Variants in CSMD2 observed in about 807,000 individuals in gnomAD.
CSMD2 encodes the protein CUB and Sushi multiple domains 2.
A neutral mutation model predicts 398.5 loss-of-function variants in CSMD2; 130 were observed. The ratio of observed to expected loss-of-function variants is 0.33; its 90% CI spans 0.28 to 0.38. CSMD2 has a LOEUF of 0.38. Among genes scored for constraint, CSMD2 ranks in the 10% least tolerant of loss-of-function variants. CSMD2 has a pLI of 1.00. For missense variants in CSMD2, 3,829 were observed against 4,764.9 expected (o/e 0.80, Z 5.78); for synonymous variants, 1,828 against 1,908.5 (o/e 0.96, Z 1.10).
At chr1:34,102,366 C>CT (rs1660040250) in intron 1 of CSMD2, among the ~76,000 whole-genome samples, 1 of 152,168 alleles carries the variant, frequency 6.6e-6, no homozygotes, top group Non-Finnish European at 1.5e-5. Context: ...ACATTTATCT[C>CT]TTTTTTCTTG....
In CSMD2 at chr1:33,533,029, TC is replaced by T. The variant is rs1655399350; in HGVS notation, c.10171+20del. On this transcript the variant is annotated intron_variant, in intron 64 of 70. Transcript: ENST00000373381. This position sits in a 1 kb window ranked among gnomAD's most constrained non-coding sequence, Gnocchi z 4.2. ...TTTCAGCCTCCCGCCCTGGAGAGCT[TC>T]CCCGAGCAGGCACACTCACCCAGGC... The T allele has an allele frequency of 6.3e-7, 1 of 1,586,606 alleles. No individual in the cohort carries two copies. Among genetic ancestry groups the T allele is most frequent in the Non-Finnish European group, 8.6e-7 (1 of 1,164,434 alleles).
chr1:34,154,254 C>A (rs1010363675), intron 1 of CSMD2, among the ~76,000 whole-genome samples: 1 of 152,088 alleles, frequency 6.6e-6, no homozygotes, highest in African/African-American at 2.4e-5. Flanking sequence ...CTCATGAGGA[C>A]GTGGGAAGAC....
At chr1:33,801,599 T>C (rs1335025421) in intron 10 of CSMD2, among the ~76,000 whole-genome samples, 10 of 152,220 alleles carry the variant, frequency 6.6e-5, no homozygotes, top group Non-Finnish European at 1.5e-4. Context: ...AACAAAGTGC[T>C]ATTCCTGCTT....
chr1:33,858,998 C>T (rs772685627), intron 5 of CSMD2, among the ~76,000 whole-genome samples: 2 of 152,062 alleles, frequency 1.3e-5, no homozygotes, highest in East Asian at 1.9e-4. Flanking sequence ...TTGAATATGC[C>T]GTGGTATAAA....
chr1:33,855,878 T>C (rs1308099716), intron 5 of CSMD2, among the ~76,000 whole-genome samples: 2 of 152,216 alleles, frequency 1.3e-5, no homozygotes, highest in African/African-American at 4.8e-5. Context: ...AGATGACACC[T>C]ATCTGGCTCA....
chr1:33,955,103 C>T (rs891398087), intron 3 of CSMD2, among the ~76,000 whole-genome samples: 14 of 152,306 alleles, frequency 9.2e-5, no homozygotes, highest in East Asian at 3.9e-4. Flanking sequence ...CCGAGTAGAA[C>T]GGGCTGCTGG....
intron 5 of CSMD2, among the ~76,000 whole-genome samples, chr1:33,913,518 G>A (rs905160205): frequency 2.6e-5 from 4 of 152,202 alleles, no homozygotes; most frequent in Non-Finnish European, 5.9e-5. Flanking sequence ...TACTTATGGT[G>A]AGCCAGGCAG....
In CSMD2 at chr1:33,646,590, G is replaced by T. The variant is rs1343987699; in HGVS notation, c.4774+58C>A. On this transcript the variant is annotated intron_variant, in intron 29 of 70. Coordinates refer to ENST00000373381, the MANE Select transcript of CSMD2 (RefSeq NM_001281956.2). ...CTCTCCTCACTACGCTACACTACTT[G>T]CCCTCTGCCTTGTTAGCTGGACCTG... The T allele has an allele frequency of 3.8e-6, 6 of 1,569,720 alleles. No individual in the cohort carries two copies. In the East Asian group the frequency reaches 9.0e-5, roughly 23 times the overall value.
At chr1:33,792,606 C>G in intron 10 of CSMD2, 80 bp from the exon 11 acceptor site, 1 of 898,642 alleles carries the variant, frequency 1.1e-6, no homozygotes, top group East Asian at 2.4e-5. Context: ...GAAGGATTTT[C>G]TGTGTTATGT....
chr1:33,616,587 A>G (rs558838346), intron 39 of CSMD2, among the ~76,000 whole-genome samples: 1 of 152,296 alleles, frequency 6.6e-6, no homozygotes, highest in African/African-American at 2.4e-5. Context: ...ACAAGAAGTC[A>G]CGGGGGAAGC....
chr1:33,833,412 C>G (rs2125043137), intron 6 of CSMD2, among the ~76,000 whole-genome samples: 1 of 151,212 alleles, frequency 6.6e-6, no homozygotes, highest in South Asian at 2.1e-4. Context: ...ACATGATTAT[C>G]TCAATAGGGG....
intron 27 of CSMD2, among the ~76,000 whole-genome samples, chr1:33,656,555 C>T (rs932464528): frequency 9.2e-5 from 14 of 152,186 alleles, no homozygotes; most frequent in African/African-American, 2.9e-4. Flanking sequence ...GCCTGGGCAG[C>T]GTACTGCCTC....
At position 33,825,742 on chromosome 1, in the gene CSMD2, C is replaced by T; in HGVS notation, c.1066G>A (p.Val356Met). The T allele has an allele frequency of 1.2e-6, 2 of 1,614,096 alleles. No homozygotes were observed. Among genetic ancestry groups the T allele is most frequent in the Middle Eastern group, 1.7e-4 (1 of 6,060 alleles). The change falls in exon 7 of 71, where the codon GTG becomes ATG. Residue 356 changes from valine to methionine, a missense_variant. Physicochemically the swap from Val to Met is conservative, Grantham distance 21. This residue lies in a region of CSMD2 where 2,001 missense variants were observed against 2,567.1 expected (regional missense o/e 0.78). Coordinates refer to ENST00000373381, the MANE Select transcript of CSMD2 (RefSeq NM_001281956.2). ...KKQIELKSRGVKLMPSKDNSQ... is the reference protein window; with the variant it reads ...KKQIELKSRGMKLMPSKDNSQ... ...TTGTCTTTGCTGGGCATCAGCTTCA[C>T]ACCTCGAGACTTCAACTCAATTTGC...
At position 33,550,119 on chromosome 1, in the gene CSMD2, T is replaced by C. The variant is rs866126090; in HGVS notation, c.8917+58A>G. On this transcript the variant is annotated intron_variant, in intron 56 of 70. Transcript: ENST00000373381. ...CACACTCACACCTTGGGGGCTCGTC[T>C]ACCTCCCATCAGTCAAGCATTCCAC... 81 of 1,558,792 alleles carry C rather than the reference T, an allele frequency of 5.2e-5. No homozygotes were observed. In the Middle Eastern group the frequency reaches 1.8e-3, roughly 34 times the overall value.
chr1:34,089,903 GTCTC>G (rs1207895467), intron 1 of CSMD2, among the ~76,000 whole-genome samples: 1 of 152,148 alleles, frequency 6.6e-6, no homozygotes, highest in East Asian at 1.9e-4. Context: ...CTCCAGCCTT[GTCTC>G]TCTCTCCTTC....
At chr1:34,157,970 T>G (rs1318512343) in intron 1 of CSMD2, among the ~76,000 whole-genome samples, 1 of 151,944 alleles carries the variant, frequency 6.6e-6, no homozygotes, top group African/African-American at 2.4e-5. Flanking sequence ...GGTCTCACCT[T>G]CTCCCAAAGC....
At chr1:33,531,051 T>C (rs757956916) in intron 64 of CSMD2, among the ~76,000 whole-genome samples, 4 of 152,200 alleles carry the variant, frequency 2.6e-5, no homozygotes, top group African/African-American at 9.7e-5. Context: ...ATGGTGACCA[T>C]AGTTAATAAC....
chr1:33,696,784 C>T (rs1645433397), intron 24 of CSMD2, among the ~76,000 whole-genome samples: 2 of 152,086 alleles, frequency 1.3e-5, no homozygotes, highest in African/African-American at 4.8e-5. Context: ...GCAGATTCAA[C>T]AACATTGAGA....
At chr1:33,567,478 CATATATAT>C in intron 53 of CSMD2, 107 bp downstream of exon 53, 1 of 465,120 alleles carries the variant, frequency 2.1e-6, no homozygotes, top group Middle Eastern at 6.3e-4. Context: ...AAATAGCAAT[CATATATAT>C]ATATATATAT....
Sources: allele counts gnomAD v4.1 joint callset (sites outside exome capture counted in the v4.1 genomes callset), GRCh38; gene constraint gnomAD v4.1.1; regional missense constraint gnomAD v4.1.1; non-coding constraint Gnocchi (gnomAD v3.1); transcripts MANE v1.5; gene names NCBI Gene and HGNC (gene_info 2026-07-23, HGNC 2026-07-21).